The following RFFL variants were observed in gnomAD, a reference collection of about 807,000 sequenced individuals.
The protein encoded by RFFL is E3 ubiquitin-protein ligase rififylin.
In RFFL, 16 loss-of-function variants were observed where a neutral mutation model predicts 40.4. The observed-to-expected ratio is 0.40, with a 90% confidence interval of 0.27 to 0.60. The LOEUF is 0.60. Among genes scored for constraint, RFFL ranks in the 20% least tolerant of loss-of-function variants. The probability of loss-of-function intolerance (pLI) is 0.47; values close to 1 mark genes in which losing one functional copy is unlikely to be tolerated. For missense variants in RFFL, 367 were observed against 451.7 expected, an observed-to-expected ratio of 0.81 and a Z score of 1.70; for synonymous variants, 154 against 167.9, an observed-to-expected ratio of 0.92 and a Z score of 0.64.
Position 35,011,724 on chromosome 17 carries a change from T to A in RFFL, c.*244A>T. 2.0e-6 allele frequency: 1 copy of A among 495,548 alleles called. No individual in the cohort carries two copies. The highest frequency in any genetic ancestry group is 2.4e-5 in the South Asian group (1 of 42,510). The allele number at this position is 495,548 out of a possible 1,614,324, so 30.7% of individuals were successfully genotyped here. A position where few individuals can be genotyped will look rare whatever the true frequency, so the allele number is the denominator to read the frequency against. On this transcript the variant is annotated 3_prime_UTR_variant, in exon 7 of 7. Transcript: ENST00000394597. Reference sequence around the variant, plus strand: ...ATCAGTTACCATCATCACTCCAAGATCACTGAACCAAGAACATACCCATGT... The same window carrying A: ...ATCAGTTACCATCATCACTCCAAGAACACTGAACCAAGAACATACCCATGT...
chr17:35,038,409 A>G (rs1394593250), intron 1 of RFFL, among the ~76,000 whole-genome samples: 1 of 152,096 alleles, frequency 6.6e-6, no homozygotes, highest in South Asian at 2.1e-4. Context: ...ATACACGCGC[A>G]CCCACATCTC....
intron 1 of RFFL, among the ~76,000 whole-genome samples, chr17:35,039,366 C>T (rs181165784): frequency 2.0e-5 from 3 of 150,588 alleles, no homozygotes; most frequent in East Asian, 2.0e-4. Context: ...ATTACAGGCA[C>T]GTGCCATCAC....
chr17:35,043,645 GAAA>G (rs2091180167), intron 1 of RFFL, among the ~76,000 whole-genome samples: 2 of 152,168 alleles, frequency 1.3e-5, no homozygotes, highest in Admixed American at 6.5e-5. Flanking sequence ...CAGACACGGG[GAAA>G]ATTGGGGGAG....
At chr17:35,062,522 C>T (rs1385161027) in intron 1 of RFFL, among the ~76,000 whole-genome samples, 1 of 152,140 alleles carries the variant, frequency 6.6e-6, no homozygotes, top group Non-Finnish European at 1.5e-5. Context: ...ACAATTCTAG[C>T]AAAGCAGACC....
At chr17:35,049,424 T>C (rs1018432679) in intron 1 of RFFL, among the ~76,000 whole-genome samples, 10 of 152,200 alleles carry the variant, frequency 6.6e-5, no homozygotes, top group Admixed American at 1.3e-4. Context: ...GATCCTGAGA[T>C]GACTCGAGCA....
intron 1 of RFFL, among the ~76,000 whole-genome samples, chr17:35,083,699 T>C (rs931008832): frequency 1.3e-5 from 2 of 150,976 alleles, no homozygotes; most frequent in African/African-American, 4.9e-5. Context: ...GAGAACTGCT[T>C]GAACCCAGGA....
intron 1 of RFFL, among the ~76,000 whole-genome samples, chr17:35,044,457 A>G (rs777878473): frequency 1.1e-4 from 17 of 152,148 alleles, no homozygotes; most frequent in Admixed American, 2.0e-4. Flanking sequence ...TCTCTACTAA[A>G]AATACAAAAA....
intron 1 of RFFL, among the ~76,000 whole-genome samples, chr17:35,058,512 C>T (rs1373813838): frequency 6.6e-6 from 1 of 152,204 alleles, no homozygotes; most frequent in Non-Finnish European, 1.5e-5. Context: ...GTGGCTCACG[C>T]CTGTAATCCC....
intron 1 of RFFL, among the ~76,000 whole-genome samples, chr17:35,029,070 A>C (rs1222720836): frequency 6.6e-6 from 1 of 152,036 alleles, no homozygotes; most frequent in Non-Finnish European, 1.5e-5. Context: ...CATTTGTTCA[A>C]TCTTCAGCAC....
chr17:35,087,077 C>T (rs1002687737), intron 1 of RFFL, among the ~76,000 whole-genome samples: 7 of 152,130 alleles, frequency 4.6e-5, no homozygotes, highest in East Asian at 1.9e-4. Context: ...AGAGGTGTTC[C>T]GGCCTGGCGC....
intron 3 of RFFL, chr17:35,019,035 G>C (rs1351415569): frequency 1.3e-5 from 2 of 152,196 alleles, no homozygotes; most frequent in African/African-American, 2.4e-5. Context: ...TCCTTGCCTA[G>C]CAACTATTGA....
upstream of RFFL, among the ~76,000 whole-genome samples, chr17:35,064,268 C>T (rs1452381092): frequency 3.3e-5 from 5 of 151,936 alleles, no homozygotes; most frequent in Non-Finnish European, 5.9e-5. Context: ...CAAGTTCTCT[C>T]ATTAAGATAG....
intron 1 of RFFL, among the ~76,000 whole-genome samples, chr17:35,087,674 A>G (rs1013733528): frequency 6.6e-6 from 1 of 152,212 alleles, no homozygotes; most frequent in Non-Finnish European, 1.5e-5. Flanking sequence ...TCAAGATATT[A>G]GCCCTGCCAC....
At chr17:35,017,628 A>T (rs774650790) in intron 3 of RFFL, 22 bp from the exon 4 acceptor site, 2 of 1,524,688 alleles carry the variant, frequency 1.3e-6, no homozygotes, top group Non-Finnish European at 1.8e-6. Context: ...GAAAAGTAAC[A>T]TCACATCTAG....
At chr17:35,037,373 G>A (rs1034853675) in intron 1 of RFFL, among the ~76,000 whole-genome samples, 12 of 152,170 alleles carry the variant, frequency 7.9e-5, no homozygotes, top group African/African-American at 2.9e-4. Flanking sequence ...GCTTCATCTT[G>A]TGTATTATCA....
intron 1 of RFFL, among the ~76,000 whole-genome samples, chr17:35,087,756 A>G (rs989663471): frequency 5.9e-5 from 9 of 152,246 alleles, no homozygotes; most frequent in African/African-American, 2.2e-4. Context: ...ATAAACTGTA[A>G]CTTCTGAATT....
At chr17:35,048,831 C>G (rs115558251) in intron 1 of RFFL, among the ~76,000 whole-genome samples, 1 of 152,270 alleles carries the variant, frequency 6.6e-6, no homozygotes, top group South Asian at 2.1e-4. Flanking sequence ...CTAAGCACCC[C>G]CTTCCTCCCA....
rs369464594 is a variant in RFFL at position 35,024,684 on chromosome 17, G to T, written c.180+1690C>A. Among the ~76,000 whole-genome samples, 12 of 152,232 alleles carry T rather than the reference G, an allele frequency of 7.9e-5. 1 individual carries two copies. The East Asian group carries it at 1.4e-3, about 17-fold the overall frequency. On this transcript the variant is annotated intron_variant, in intron 2 of 6. Coordinates refer to ENST00000394597, the MANE Select transcript of RFFL (RefSeq NM_001017368.2). The stretch of plus-strand genomic sequence containing the variant: ...TTCAGAAAGTACTGACCATAATGAA[G>T]AATAAGGAAAAGAAAAAGATAGTAG...
chr17:35,048,703 T>G (rs1452650546), intron 1 of RFFL, among the ~76,000 whole-genome samples: 1 of 152,142 alleles, frequency 6.6e-6, no homozygotes, highest in Non-Finnish European at 1.5e-5. Flanking sequence ...TCCTCAACCC[T>G]TCTCTGCCAA....
Sources: allele counts gnomAD v4.1 joint callset (sites outside exome capture counted in the v4.1 genomes callset), GRCh38; gene constraint gnomAD v4.1.1; transcripts MANE v1.5; gene names NCBI Gene and HGNC (gene_info 2026-07-23, HGNC 2026-07-21).